EMB: variants seen among roughly 807,000 people sequenced by gnomAD.
The protein encoded by EMB is embigin homolog.
A neutral mutation model predicts 41.4 loss-of-function variants in EMB; 31 were observed. That is an observed-to-expected ratio of 0.75 (90% CI 0.56 to 1.01). The LOEUF is 1.01. EMB is among the 50% of genes least tolerant of loss of function. EMB has a pLI of 0.00. For missense variants in EMB, 379 were observed against 388.3 expected (o/e 0.98, Z 0.20); for synonymous variants, 137 against 140.4 (o/e 0.98, Z 0.17).
upstream of EMB, chr5:50,441,372 C>G (rs1345302624): frequency 5.6e-6 from 2 of 355,222 alleles, no homozygotes; most frequent in Admixed American, 9.4e-5. Flanking sequence ...TTATGCAGCC[C>G]TCAGCCGGCT....
intron 1 of EMB, among the ~76,000 whole-genome samples, chr5:50,429,995 T>A (rs71590680): frequency 3.3e-5 from 4 of 121,368 alleles, no homozygotes; most frequent in African/African-American, 9.6e-5. Flanking sequence ...TCTCTCTCTC[T>A]CTCTCTCTCT....
chr5:50,402,321 T>A lies in EMB; in HGVS notation c.878-2A>T. On this transcript the variant is annotated splice_acceptor_variant, in intron 6 of 8. Coordinates refer to ENST00000303221, the MANE Select transcript of EMB (RefSeq NM_198449.3). LOFTEE classifies it high-confidence loss of function. ...TCTGCTCAAATTCTTTCCCCTCATC[T>A]GTGTAACAAAAGAAGAATTTGACTG... The A allele has an allele frequency of 6.2e-7, 1 of 1,609,620 alleles. No homozygotes were observed. The highest frequency in any genetic ancestry group is 8.5e-7 in the Non-Finnish European group (1 of 1,176,846).
chr5:50,427,235 CA>C (rs1745627550), intron 2 of EMB, among the ~76,000 whole-genome samples: 1 of 152,114 alleles, frequency 6.6e-6, no homozygotes, highest in Non-Finnish European at 1.5e-5. Flanking sequence ...TCTGTTCTAC[CA>C]AATAAAACAT....
intron 1 of EMB, among the ~76,000 whole-genome samples, chr5:50,439,323 T>A (rs1204822808): frequency 6.8e-6 from 1 of 146,818 alleles, no homozygotes; most frequent in Admixed American, 6.7e-5. Context: ...TTTTTCTTTC[T>A]TTTTTTTTGA....
chr5:50,422,931 T>C (rs1268088505), intron 2 of EMB, among the ~76,000 whole-genome samples: 2 of 152,142 alleles, frequency 1.3e-5, no homozygotes, highest in African/African-American at 4.8e-5. Flanking sequence ...ACTGAGCAAC[T>C]CTACTTTGTG....
intron 2 of EMB, among the ~76,000 whole-genome samples, chr5:50,420,359 C>T (rs565807182): frequency 2.0e-5 from 3 of 152,242 alleles, no homozygotes; most frequent in African/African-American, 7.2e-5. Flanking sequence ...GATGCCAATC[C>T]TTGATATTTA....
chr5:50,426,025 C>T (rs1466603494), intron 2 of EMB, among the ~76,000 whole-genome samples: 2 of 152,080 alleles, frequency 1.3e-5, no homozygotes, highest in Admixed American at 6.6e-5. Flanking sequence ...TAGCAATAAA[C>T]CTAGAAAATA....
intron 1 of EMB, among the ~76,000 whole-genome samples, chr5:50,433,309 C>A (rs1282969711): frequency 6.6e-6 from 1 of 151,398 alleles, no homozygotes; most frequent in Non-Finnish European, 1.5e-5. Flanking sequence ...TTTTAAAAAC[C>A]AGATGGTATA....
intron 2 of EMB, among the ~76,000 whole-genome samples, chr5:50,419,460 G>A (rs1199242523): frequency 6.6e-6 from 1 of 151,670 alleles, no homozygotes; most frequent in Admixed American, 6.6e-5. Context: ...TATTCTAATG[G>A]ATTTCAAAAT....
Position 50,436,932 on chromosome 5 carries a change from T to A in EMB, c.112+4108A>T, listed in dbSNP as rs184260695. Among the ~76,000 whole-genome samples the A allele has an allele frequency of 2.6e-5, 4 of 152,328 alleles. No homozygotes were observed. In the East Asian group the frequency reaches 5.8e-4, roughly 22 times the overall value. ...TCAACATATAATTTTTTTGTGATGA[T>A]AAATTTAGGGTAAAAATGGTCATGC... On this transcript the variant is annotated intron_variant, in intron 1 of 8. Transcript: ENST00000303221.
Position 50,411,299 on chromosome 5 carries a change from C to A in EMB, c.281G>T (p.Gly94Val). The change falls in exon 3 of 9, where the codon GGG becomes GTG. Residue 94 changes from glycine (G) to valine (V), a missense_variant. Physicochemically the swap from Gly to Val is moderately radical, Grantham distance 109. Coordinates refer to ENST00000303221, the MANE Select transcript of EMB (RefSeq NM_198449.3). ...AGTCACATTTACTGCATTCAAATCC[C>A]CAGATGTTGTGAACTGGCATGTGAG... is the stretch of plus-strand genomic sequence containing the variant. ...VNLTCQFTTS[G>V]DLNAVNVTWK... is the part of the protein sequence containing the mutation. The A allele has an allele frequency of 6.2e-7, 1 of 1,612,994 alleles. No individual in the cohort carries two copies. Among genetic ancestry groups the A allele is most frequent in the Middle Eastern group, 1.7e-4 (1 of 6,054 alleles).
At chr5:50,413,785 C>T (rs1745383524) in intron 2 of EMB, among the ~76,000 whole-genome samples, 1 of 151,926 alleles carries the variant, frequency 6.6e-6, no homozygotes, top group South Asian at 2.1e-4. Context: ...ACCATGTTGG[C>T]CAGGCTAGTC....
chr5:50,411,356 T>G lies in EMB; in HGVS notation c.224A>C (p.Asn75Thr), dbSNP rs1290213620. 5.6e-6 allele frequency: 9 copies of G among 1,605,192 alleles called. No individual in the cohort carries two copies. The African/African-American group carries it at 9.4e-5, about 17-fold the overall frequency. ...ATTAGAAGGCCTTTCTAAAGTGATA[T>G]TTTTTTCTACTGGCATACTAGAATG... ...TEHSSMPVEK[N>T]ITLERPSNVN... is the part of the protein sequence containing the mutation. Residue 75 changes from asparagine (N) to threonine (T), a missense_variant, in exon 3 of 9, where the codon AAT becomes ACT. Physicochemically the swap from Asn to Thr is moderately conservative, Grantham distance 65. Coordinates refer to ENST00000303221, the MANE Select transcript of EMB (RefSeq NM_198449.3).
chr5:50,436,999 C>G (rs911009054), intron 1 of EMB, among the ~76,000 whole-genome samples: 2 of 152,140 alleles, frequency 1.3e-5, no homozygotes, highest in African/African-American at 4.8e-5. Flanking sequence ...GGCTGGGCAC[C>G]GTAGCTCTCG....
upstream of EMB, among the ~76,000 whole-genome samples, chr5:50,441,879 C>T (rs1579750388): frequency 6.6e-6 from 1 of 152,124 alleles, no homozygotes; most frequent in East Asian, 1.9e-4. Flanking sequence ...GCTCAAGAAG[C>T]AAAAGCTACT....
At chr5:50,420,746 T>A (rs775176333) in intron 2 of EMB, among the ~76,000 whole-genome samples, 5 of 152,196 alleles carry the variant, frequency 3.3e-5, no homozygotes, top group Non-Finnish European at 5.9e-5. Context: ...GTTGAAGTGG[T>A]TGTAGCTCCC....
At chr5:50,432,751 A>G (rs1013194622) in intron 1 of EMB, among the ~76,000 whole-genome samples, 2 of 35,412 alleles carry the variant, frequency 5.6e-5, no homozygotes, top group Non-Finnish European at 8.8e-5. Context: ...AAAAACAAGT[A>G]AAAAAAAAAA....
At chr5:50,443,105 A>C (rs894717383), upstream of EMB, 2 of 152,156 alleles carry the variant, frequency 1.3e-5, no homozygotes. Context: ...CCTTATGTAC[A>C]TTCCACTTTT....
At chr5:50,435,605 C>T (rs187790804) in intron 1 of EMB, among the ~76,000 whole-genome samples, 34 of 152,262 alleles carry the variant, frequency 2.2e-4, no homozygotes, top group South Asian at 4.1e-4. Flanking sequence ...CTCACCAGAT[C>T]GTCTCAGATG....
Sources: gnomAD v4.1 joint callset for allele counts (sites outside exome capture counted in the v4.1 genomes callset) on GRCh38, gnomAD v4.1.1 for gene constraint, MANE v1.5 for transcripts, NCBI Gene and HGNC (gene_info 2026-07-23, HGNC 2026-07-21) for gene names.